The following PDE11A variants were observed in gnomAD, a reference collection of about 807,000 sequenced individuals.
The protein encoded by PDE11A is dual 3',5'-cyclic-AMP and -GMP phosphodiesterase 11A.
PDE11A carries 100 observed loss-of-function variants against 100.5 expected under a neutral mutation model. That is an observed-to-expected ratio of 1.00 (90% confidence interval 0.85 to 1.18). The LOEUF (loss-of-function observed/expected upper bound fraction) is 1.18. Ranked by LOEUF, PDE11A falls within the 50% of genes most tolerant of loss-of-function variation. The pLI is 0.00. For missense variants in PDE11A, 1,141 were observed against 1,152.6 expected (o/e 0.99, Z 0.15); for synonymous variants, 381 against 420.8 (o/e 0.91, Z 1.16).
chr2:177,809,346 G>A (rs972758430), intron 9 of PDE11A, among the ~76,000 whole-genome samples: 1 of 152,146 alleles, frequency 6.6e-6, no homozygotes, highest in South Asian at 2.1e-4. Flanking sequence ...GGACTGCCTA[G>A]AGAAGTGAGC....
At chr2:177,631,877 G>T (rs957838903) in intron 19 of PDE11A, among the ~76,000 whole-genome samples, 1 of 151,772 alleles carries the variant, frequency 6.6e-6, no homozygotes, top group African/African-American at 2.4e-5. Flanking sequence ...CAGCTGCTCT[G>T]CATACTTCAT....
chr2:177,850,613 A>T (rs1043575186), intron 5 of PDE11A, among the ~76,000 whole-genome samples: 1 of 152,234 alleles, frequency 6.6e-6, no homozygotes, highest in Admixed American at 6.5e-5. Flanking sequence ...ACAGAATGGG[A>T]GAAAATTTTT....
intron 10 of PDE11A, among the ~76,000 whole-genome samples, chr2:177,769,074 C>T (rs968161442): frequency 6.6e-6 from 1 of 152,106 alleles, no homozygotes; most frequent in South Asian, 2.1e-4. Context: ...TTTTTTTTCC[C>T]TGATATCGTG....
intron 19 of PDE11A, among the ~76,000 whole-genome samples, chr2:177,656,742 G>C (rs2080390912): frequency 6.6e-6 from 1 of 152,212 alleles, no homozygotes; most frequent in African/African-American, 2.4e-5. Context: ...TGGAGACAGT[G>C]CTGTGGAATG....
chr2:177,894,769 T>G (rs2084583622), intron 4 of PDE11A, among the ~76,000 whole-genome samples: 1 of 152,198 alleles, frequency 6.6e-6, no homozygotes, highest in South Asian at 2.1e-4. Flanking sequence ...TTATCTTAAT[T>G]TAAAACATTC....
chr2:177,946,948 G>T (rs2085445325), intron 2 of PDE11A, among the ~76,000 whole-genome samples: 1 of 93,530 alleles, frequency 1.1e-5, no homozygotes, highest in Non-Finnish European at 2.2e-5. Context: ...CAGCCGCCCC[G>T]TCCGGGAGGG....
At chr2:178,059,381 G>T (rs1316679313) in intron 1 of PDE11A, among the ~76,000 whole-genome samples, 1 of 152,178 alleles carries the variant, frequency 6.6e-6, no homozygotes, top group Admixed American at 6.5e-5. Context: ...CTCTATGGGG[G>T]CTTCCTGCCC....
Position 177,760,285 on chromosome 2 carries a change from C to T in PDE11A, c.1788+9038G>A, listed in dbSNP as rs751807123. Among the ~76,000 whole-genome samples the T allele has an allele frequency of 9.2e-5, 14 of 152,130 alleles. 1 individual carries two copies. Among genetic ancestry groups the T allele is most frequent in the Non-Finnish European group, 1.8e-4 (12 of 68,016 alleles). On this transcript the variant is annotated intron_variant, in intron 10 of 19. Coordinates refer to ENST00000286063, the MANE Select transcript of PDE11A (RefSeq NM_016953.4). ...ACTTAAGACATTTTTCTTATTTAAA[C>T]ATTTATAGGTAGCATTAGTGTATAG...
chr2:177,795,171 T>G (rs940299807), intron 9 of PDE11A, among the ~76,000 whole-genome samples: 1 of 152,100 alleles, frequency 6.6e-6, no homozygotes, highest in African/African-American at 2.4e-5. Context: ...GAATGTGAGG[T>G]TGGGAGATGG....
intron 2 of PDE11A, among the ~76,000 whole-genome samples, chr2:177,993,915 G>T (rs1337434562): frequency 6.7e-6 from 1 of 149,792 alleles, no homozygotes; most frequent in African/African-American, 2.4e-5. Flanking sequence ...TATATGTGAA[G>T]ATTAGACTCC....
chr2:178,048,291 G>A (rs537836888), intron 1 of PDE11A, among the ~76,000 whole-genome samples: 17 of 152,216 alleles, frequency 1.1e-4, no homozygotes, highest in Admixed American at 2.0e-4. Flanking sequence ...TTGGGCAACT[G>A]AAGATAAAGA....
At chr2:177,758,168 G>A (rs2082118164) in intron 10 of PDE11A, among the ~76,000 whole-genome samples, 2 of 151,462 alleles carry the variant, frequency 1.3e-5, no homozygotes, top group South Asian at 4.2e-4. Context: ...ATGGTGGCAG[G>A]CGCCTGTAGT....
chr2:177,688,552 G>C (rs2080992782), intron 15 of PDE11A, among the ~76,000 whole-genome samples: 1 of 150,764 alleles, frequency 6.6e-6, no homozygotes, highest in Admixed American at 6.6e-5. Context: ...GCTGGATCCA[G>C]ACTTCTTTGT....
chr2:177,942,252 T>C (rs1405298219), intron 2 of PDE11A, among the ~76,000 whole-genome samples: 1 of 152,196 alleles, frequency 6.6e-6, no homozygotes, highest in East Asian at 1.9e-4. Context: ...AAAATTGGGG[T>C]AATAATAGAT....
intron 4 of PDE11A, among the ~76,000 whole-genome samples, chr2:177,892,178 T>A (rs891038979): frequency 6.6e-6 from 1 of 152,234 alleles, no homozygotes; most frequent in East Asian, 1.9e-4. Flanking sequence ...GGCTCCCTCA[T>A]ACATTAATGA....
intron 5 of PDE11A, among the ~76,000 whole-genome samples, chr2:177,846,023 G>A (rs1217281051): frequency 6.6e-6 from 1 of 150,652 alleles, no homozygotes. Context: ...AGAGAGGGAG[G>A]GGGAGACCGT....
chr2:177,828,187 C>A (rs73036090), intron 6 of PDE11A, among the ~76,000 whole-genome samples: 1 of 151,868 alleles, frequency 6.6e-6, no homozygotes, highest in Non-Finnish European at 1.5e-5. Flanking sequence ...AAGCTCTAAC[C>A]TTTCCATCTT....
At chr2:178,066,817 T>A (rs949152403) in intron 1 of PDE11A, among the ~76,000 whole-genome samples, 3 of 152,174 alleles carry the variant, frequency 2.0e-5, no homozygotes, top group African/African-American at 7.2e-5. Flanking sequence ...ATACTGAGAA[T>A]GCCTCAGCCT....
At chr2:178,073,038 A>C (rs1031818225), upstream of PDE11A, 5 of 985,150 alleles carry the variant, frequency 5.1e-6, no homozygotes, top group African/African-American at 8.7e-5. Flanking sequence ...TTACCTCCCC[A>C]ACCCTCCCTA....
Sources: allele counts gnomAD v4.1 joint callset (sites outside exome capture counted in the v4.1 genomes callset), GRCh38; gene constraint gnomAD v4.1.1; transcripts MANE v1.5; gene names NCBI Gene and HGNC (gene_info 2026-07-23, HGNC 2026-07-21).